PCM1: variants seen among roughly 807,000 people sequenced by gnomAD.
The protein encoded by PCM1 is pericentriolar material 1 protein.
PCM1 carries 157 observed loss-of-function variants against 241.9 expected under a neutral mutation model. That is an observed-to-expected ratio of 0.65 (90% confidence interval 0.57 to 0.74). The LOEUF (loss-of-function observed/expected upper bound fraction) is 0.74, where lower values mean the gene tolerates loss of function less well. PCM1 is among the 30% of genes least tolerant of loss of function. The probability of loss-of-function intolerance (pLI) is 0.00; values close to 1 mark genes in which losing one functional copy is unlikely to be tolerated. For missense variants in PCM1, 3,478 were observed against 2,360.1 expected (o/e 1.47, Z -9.81); for synonymous variants, 1,085 against 784.9 (o/e 1.38, Z -6.39).
Position 17,966,447 on chromosome 8 carries a change from A to G in PCM1, c.3195A>G (p.Leu1065=), listed in dbSNP as rs1195299717. The G allele has an allele frequency of 6.2e-7, 1 of 1,613,796 alleles. No individual in the cohort carries two copies. The highest frequency in any genetic ancestry group is 8.5e-7 in the Non-Finnish European group (1 of 1,179,758). Residue 1065 remains leucine (L), a synonymous_variant, in exon 20 of 39, where the codon CTA becomes CTG. Coordinates refer to ENST00000325083, the MANE Select transcript of PCM1 (RefSeq NM_006197.4). ...MHQLNQCYTQ[L]TWQQNNVQRL... Reference sequence around the variant, plus strand: ...AGTTGAACCAGTGCTATACTCAGCTAACATGGCAACAGAATAATGTTCAGA... The same window carrying G: ...AGTTGAACCAGTGCTATACTCAGCTGACATGGCAACAGAATAATGTTCAGA...
chr8:17,988,418 C>G (rs2083333784), intron 26 of PCM1, among the ~76,000 whole-genome samples: 1 of 151,488 alleles, frequency 6.6e-6, no homozygotes, highest in Non-Finnish European at 1.5e-5. Context: ...TTGAAATGAC[C>G]TAAAGTCGTG....
intron 7 of PCM1, among the ~76,000 whole-genome samples, chr8:17,948,832 C>G (rs1304965608): frequency 2.0e-5 from 3 of 152,110 alleles, no homozygotes; most frequent in Non-Finnish European, 2.9e-5. Flanking sequence ...TTTGGAATAT[C>G]AGATTTAAAA....
chr8:17,965,400 G>C (rs1242089323), intron 18 of PCM1, among the ~76,000 whole-genome samples: 2 of 152,194 alleles, frequency 1.3e-5, no homozygotes, highest in Non-Finnish European at 2.9e-5. Flanking sequence ...ATTATCACTT[G>C]GGAGATTCCA....
At chr8:17,966,874 T>G (rs1255904245) in intron 20 of PCM1, 106 bp from the exon 21 acceptor site, 5 of 1,008,580 alleles carry the variant, frequency 5.0e-6, no homozygotes, top group Non-Finnish European at 4.4e-6. Context: ...CAGAGCAGTT[T>G]GTCTGCATGC....
intron 32 of PCM1, among the ~76,000 whole-genome samples, chr8:18,010,915 T>C (rs1194431823): frequency 6.6e-6 from 1 of 152,028 alleles, no homozygotes; most frequent in East Asian, 1.9e-4. Context: ...AGAGGTGGTA[T>C]TGAGCCGAGA....
At chr8:18,027,336 G>A in intron 38 of PCM1, among the ~76,000 whole-genome samples, 1 of 152,090 alleles carries the variant, frequency 6.6e-6, no homozygotes, top group East Asian at 1.9e-4. Flanking sequence ...CCCCTCTTCT[G>A]TTTTCTCACA....
chr8:17,972,561 G>C lies in PCM1; in HGVS notation c.3817G>C (p.Val1273Leu). The C allele has an allele frequency of 3.1e-6, 5 of 1,613,742 alleles. No individual in the cohort carries two copies. Among genetic ancestry groups the C allele is most frequent in the East Asian group, 2.2e-5 (1 of 44,872 alleles). Residue 1273 changes from valine (V) to leucine (L), a missense_variant, in exon 23 of 39, where the codon GTG becomes CTG. Physicochemically the swap from Val to Leu is conservative, Grantham distance 32. Coordinates refer to ENST00000325083, the MANE Select transcript of PCM1 (RefSeq NM_006197.4). ...SMPDPVDPTTVTKTFKTRKAS... is the reference protein window; with the variant it reads ...SMPDPVDPTTLTKTFKTRKAS... ...GCCTGATCCAGTAGATCCAACAACA[G>C]TGACTAAAACATTCAAGACAAGAAA...
chr8:17,951,023 G>A (rs372637153), intron 8 of PCM1, among the ~76,000 whole-genome samples: 1 of 152,150 alleles, frequency 6.6e-6, no homozygotes, highest in African/African-American at 2.4e-5. Flanking sequence ...ACTGGATGAC[G>A]TATTCTTTTT....
chr8:18,002,064 C>CTT (rs1208413264), intron 29 of PCM1, among the ~76,000 whole-genome samples: 4,413 of 10,090 alleles, frequency 0.44, 1,525 homozygotes, highest in Non-Finnish European at 0.54. Flanking sequence ...TTTTTTTTTT[C>CTT]TTTTTTTTTT....
intron 6 of PCM1, among the ~76,000 whole-genome samples, chr8:17,945,374 C>T (rs2299595): frequency 6.6e-6 from 1 of 151,828 alleles, no homozygotes; most frequent in Non-Finnish European, 1.5e-5. Flanking sequence ...ACAGAAAAAC[C>T]TCTAATAAAT....
At chr8:18,012,590 C>G (rs1481830096) in intron 34 of PCM1, among the ~76,000 whole-genome samples, 2 of 152,086 alleles carry the variant, frequency 1.3e-5, no homozygotes, top group African/African-American at 4.8e-5. Flanking sequence ...ATCTTTTCTT[C>G]TGGAGTTGGA....
Position 18,011,692 on chromosome 8 carries a change from T to TTTAA in PCM1, c.5377_5380dup (p.Thr1794IlefsTer3). Reference sequence around the variant, plus strand: ...ATTTGTCTAAAGCTGAAACTCAGGCTTTAACTAATTATGGAAGTGGAGAAG... The same window carrying TTTAA: ...ATTTGTCTAAAGCTGAAACTCAGGCTTTAATTAACTAATTATGGAAGTGGAGAAG... On this transcript the variant is annotated frameshift_variant, in exon 34 of 39. Coordinates refer to ENST00000325083, the MANE Select transcript of PCM1 (RefSeq NM_006197.4). LOFTEE classifies it high-confidence loss of function. 1 of 1,611,710 alleles carries TTTAA rather than the reference T, an allele frequency of 6.2e-7. No individual in the cohort carries two copies. The highest frequency in any genetic ancestry group is 8.5e-7 in the Non-Finnish European group (1 of 1,178,820).
intron 2 of PCM1, among the ~76,000 whole-genome samples, chr8:17,932,665 G>A (rs560099226): frequency 7.3e-5 from 11 of 151,206 alleles, no homozygotes; most frequent in African/African-American, 2.7e-4. Context: ...ACTATTCTCA[G>A]CACACTTAGG....
intron 21 of PCM1, 61 bp downstream of exon 21, chr8:17,967,231 T>C (rs1443974385): frequency 5.0e-6 from 6 of 1,189,020 alleles, no homozygotes; most frequent in Non-Finnish European, 6.0e-6. Context: ...CAACGTAATT[T>C]GTCTATTGCC....
At chr8:18,016,587 T>C (rs910491683) in intron 36 of PCM1, among the ~76,000 whole-genome samples, 4 of 152,192 alleles carry the variant, frequency 2.6e-5, no homozygotes, top group African/African-American at 4.8e-5. Context: ...AATTCCAAAA[T>C]TGCCTTGCTA....
chr8:17,957,514 G>C (rs768962000), intron 12 of PCM1, 26 bp from the exon 13 acceptor site: 1 of 1,603,740 alleles, frequency 6.2e-7, no homozygotes, highest in Non-Finnish European at 8.5e-7. Flanking sequence ...AAAGTTACTG[G>C]TTTTAATTAT....
chr8:18,027,638 A>T lies in PCM1; in HGVS notation c.6051A>T (p.Glu2017Asp), dbSNP rs767163034. Residue 2017 changes from glutamate to aspartate, a missense_variant and splice_region_variant, in exon 39 of 39, where the codon GAA becomes GAT. Physicochemically the swap from Glu to Asp is conservative, Grantham distance 45 (BLOSUM62 2). Transcript: ENST00000325083. Reference sequence around the variant, plus strand: ...AAGCATTTTTATTCTGTTTTTCAGAAACGGTGGGAGCCCAGAGTATATGAG... The same window carrying T: ...AAGCATTTTTATTCTGTTTTTCAGATACGGTGGGAGCCCAGAGTATATGAG... Reference protein sequence around the residue: ...AGNSETLKEPETVGAQSI With the variant: ...AGNSETLKEPDTVGAQSI 2.5e-6 allele frequency: 4 copies of T among 1,576,132 alleles called. No individual in the cohort carries two copies. Among genetic ancestry groups the T allele is most frequent in the Non-Finnish European group, 3.5e-6 (4 of 1,153,666 alleles).
At chr8:18,006,161 C>A in intron 29 of PCM1, 102 bp from the exon 30 acceptor site, 2 of 922,400 alleles carry the variant, frequency 2.2e-6, no homozygotes, top group Non-Finnish European at 3.1e-6. Context: ...GGAGCATCTA[C>A]GGCAAGAAAA....
At chr8:17,944,521 G>T (rs1000402655) in intron 6 of PCM1, among the ~76,000 whole-genome samples, 2 of 152,088 alleles carry the variant, frequency 1.3e-5, no homozygotes, top group African/African-American at 4.8e-5. Context: ...ACAACTCAGG[G>T]TTTGATGCCT....
Sources: gnomAD v4.1 joint callset for allele counts (sites outside exome capture counted in the v4.1 genomes callset) on GRCh38, gnomAD v4.1.1 for gene constraint, MANE v1.5 for transcripts, NCBI Gene and HGNC (gene_info 2026-07-23, HGNC 2026-07-21) for gene names.